THSD7A: variants seen among roughly 807,000 people sequenced by gnomAD.
THSD7A encodes the protein thrombospondin type 1 domain containing 7A, also known as thrombospondin type-1 domain-containing protein 7A.
A neutral mutation model predicts 231.3 loss-of-function variants in THSD7A; 96 were observed. The ratio of observed to expected loss-of-function variants is 0.41; its 90% CI spans 0.35 to 0.49. The LOEUF is 0.49. THSD7A is among the 20% of genes least tolerant of loss of function. The pLI is 0.05. For missense variants in THSD7A, 2,290 were observed against 2,070.2 expected (o/e 1.11, Z -2.06); for synonymous variants, 940 against 743.3 (o/e 1.26, Z -4.30).
At chr7:11,422,174 T>C (rs1784167312) in intron 16 of THSD7A, among the ~76,000 whole-genome samples, 2 of 149,920 alleles carry the variant, frequency 1.3e-5, no homozygotes, top group Non-Finnish European at 2.9e-5. Flanking sequence ...ACTAAGTCTG[T>C]CTGTTTTTTA....
At chr7:11,649,653 A>C (rs571576977) in intron 1 of THSD7A, among the ~76,000 whole-genome samples, 33 of 152,132 alleles carry the variant, frequency 2.2e-4, no homozygotes, top group African/African-American at 7.9e-4. Flanking sequence ...AAAGACTTAA[A>C]ATAAGTGAGG....
In THSD7A at chr7:11,481,764, T is replaced by A. The variant is rs1786432814; in HGVS notation, c.2017+24A>T. ...CACTAACTTTTGAAACGAACCTAGA[T>A]GGCGTCTGAAGCTGGCGACTCACCT... On this transcript the variant is annotated intron_variant, in intron 7 of 27. Coordinates refer to ENST00000423059, the MANE Select transcript of THSD7A (RefSeq NM_015204.3). The A allele has an allele frequency of 2.5e-6, 4 of 1,570,252 alleles. No homozygotes were observed. The African/African-American group carries it at 4.1e-5, about 16-fold the overall frequency.
chr7:11,459,162 T>C (rs550776755), intron 11 of THSD7A, among the ~76,000 whole-genome samples: 18 of 152,224 alleles, frequency 1.2e-4, no homozygotes, highest in African/African-American at 4.3e-4. Flanking sequence ...TTATGAAAAT[T>C]TGAATAATCC....
At chr7:11,512,950 T>TAC (rs1787879265) in intron 6 of THSD7A, among the ~76,000 whole-genome samples, 2 of 142,048 alleles carry the variant, frequency 1.4e-5, no homozygotes, top group African/African-American at 5.5e-5. Flanking sequence ...ATGATATATA[T>TAC]ATATATATAT....
intron 1 of THSD7A, among the ~76,000 whole-genome samples, chr7:11,741,494 G>C (rs1038525421): frequency 6.6e-6 from 1 of 151,750 alleles, no homozygotes; most frequent in African/African-American, 2.4e-5. Context: ...AAAAATAAGT[G>C]TTGGAAATAA....
In THSD7A at chr7:11,463,640, G is replaced by A. The variant is rs560906980; in HGVS notation, c.2369-1497C>T. Among the ~76,000 whole-genome samples, 3 of 152,164 alleles carry A rather than the reference G, an allele frequency of 2.0e-5. 1 individual carries two copies. The highest frequency in any genetic ancestry group is 2.0e-4 in the Admixed American group (3 of 15,272). On this transcript the variant is annotated intron_variant, in intron 9 of 27. Coordinates refer to ENST00000423059, the MANE Select transcript of THSD7A (RefSeq NM_015204.3). ...GCATAACTATTTTAATGAATAAGCGGGATACTACAGGTAATGGAGTAGGGA... is the reference window on the plus strand; with the variant it reads ...GCATAACTATTTTAATGAATAAGCGAGATACTACAGGTAATGGAGTAGGGA...
chr7:11,472,950 A>G (rs754564218), intron 8 of THSD7A, among the ~76,000 whole-genome samples: 1 of 152,172 alleles, frequency 6.6e-6, no homozygotes, highest in Non-Finnish European at 1.5e-5. Flanking sequence ...GACTTGGGAC[A>G]TCTGCTCTTG....
In THSD7A at chr7:11,406,472, C is replaced by G. The variant is rs747367017; in HGVS notation, c.4065G>C (p.Glu1355Asp). 33 of 1,604,516 alleles carry G rather than the reference C, an allele frequency of 2.1e-5. No individual in the cohort carries two copies. The highest frequency in any genetic ancestry group is 2.7e-5 in the Non-Finnish European group (32 of 1,177,096). Residue 1355 changes from glutamate to aspartate, a missense_variant and splice_region_variant, in exon 22 of 28, where the codon GAG becomes GAC. By Grantham distance (45) the Glu-to-Asp change is conservative (BLOSUM62 2). Coordinates refer to ENST00000423059, the MANE Select transcript of THSD7A (RefSeq NM_015204.3). This position sits in a 1 kb window ranked among gnomAD's most constrained non-coding sequence, Gnocchi z 4.7. ...TTCTGGTCCCTTCTCCACACTGGGC[C>G]TCCTGGAATGGAGGAAGAAATAACT... The part of the protein sequence containing the change: ...YGQWSPCQVQ[E>D]AQCGEGTRTR...
intron 4 of THSD7A, among the ~76,000 whole-genome samples, chr7:11,580,043 C>G (rs1054311499): frequency 2.6e-5 from 4 of 152,152 alleles, no homozygotes; most frequent in African/African-American, 9.6e-5. Flanking sequence ...ATTTTGAAAT[C>G]TGGCTGTTTT....
chr7:11,427,601 A>G (rs188382156), intron 14 of THSD7A, among the ~76,000 whole-genome samples: 19 of 152,308 alleles, frequency 1.2e-4, no homozygotes, highest in Admixed American at 1.1e-3. Context: ...CATACACGCT[A>G]AAGTGAAATA....
chr7:11,609,157 G>T (rs1207219011), intron 2 of THSD7A, among the ~76,000 whole-genome samples: 1 of 152,100 alleles, frequency 6.6e-6, no homozygotes, highest in African/African-American at 2.4e-5. Flanking sequence ...ACACTGTCTG[G>T]CTCAGAGTCA....
intron 1 of THSD7A, among the ~76,000 whole-genome samples, chr7:11,676,831 T>C (rs748249763): frequency 2.0e-5 from 3 of 152,146 alleles, no homozygotes; most frequent in African/African-American, 4.8e-5. Flanking sequence ...TGGAACCAAG[T>C]TGGAAAACAC....
intron 1 of THSD7A, among the ~76,000 whole-genome samples, chr7:11,728,991 T>G (rs1449348437): frequency 6.6e-6 from 1 of 151,706 alleles, no homozygotes; most frequent in Non-Finnish European, 1.5e-5. Context: ...AAAAATGAAA[T>G]AAATAAAAGA....
At chr7:11,591,269 A>G (rs548655284) in intron 3 of THSD7A, among the ~76,000 whole-genome samples, 6 of 152,180 alleles carry the variant, frequency 3.9e-5, no homozygotes, top group Non-Finnish European at 8.8e-5. Flanking sequence ...ATGATGCTCA[A>G]TTAAAGCTCC....
intron 9 of THSD7A, among the ~76,000 whole-genome samples, chr7:11,465,919 CA>C (rs1251883976): frequency 6.6e-6 from 1 of 152,062 alleles, no homozygotes; most frequent in African/African-American, 2.4e-5. Context: ...TCAAAATTTA[CA>C]AAAATTTGAA....
chr7:11,702,900 T>C (rs1329218491), intron 1 of THSD7A, among the ~76,000 whole-genome samples: 2 of 151,256 alleles, frequency 1.3e-5, no homozygotes, highest in Admixed American at 1.3e-4. Flanking sequence ...CTCAGACTTC[T>C]TCCTGCTTCT....
intron 22 of THSD7A, among the ~76,000 whole-genome samples, chr7:11,405,016 C>G (rs1264227950): frequency 6.6e-6 from 1 of 152,022 alleles, no homozygotes; most frequent in Non-Finnish European, 1.5e-5. Context: ...GTGCAAAGAT[C>G]AATACAATAG....
At chr7:11,505,448 T>C (rs961641272) in intron 6 of THSD7A, among the ~76,000 whole-genome samples, 12 of 148,450 alleles carry the variant, frequency 8.1e-5, no homozygotes. Flanking sequence ...AGTGTAAAGT[T>C]TTTTTTTTTT....
intron 1 of THSD7A, among the ~76,000 whole-genome samples, chr7:11,826,441 T>C (rs1785029224): frequency 6.6e-6 from 1 of 152,230 alleles, no homozygotes; most frequent in Non-Finnish European, 1.5e-5. Context: ...TCAGTCGCGT[T>C]TTGCTCAATT....
Sources: gnomAD v4.1 joint callset for allele counts (sites outside exome capture counted in the v4.1 genomes callset) on GRCh38, gnomAD v4.1.1 for gene constraint, Gnocchi (gnomAD v3.1) non-coding constraint, MANE v1.5 for transcripts, NCBI Gene and HGNC (gene_info 2026-07-23, HGNC 2026-07-21) for gene names.